Variants in PTPRE observed in about 807,000 individuals in gnomAD.
PTPRE encodes receptor-type tyrosine-protein phosphatase epsilon.
A neutral mutation model predicts 102.0 loss-of-function variants in PTPRE; 51 were observed. That is an observed-to-expected ratio of 0.50 (90% confidence interval 0.40 to 0.63). PTPRE has a LOEUF of 0.63. Among genes scored for constraint, PTPRE ranks in the 30% least tolerant of loss-of-function variants. The probability of loss-of-function intolerance (pLI) is 0.00; values close to 1 mark genes in which losing one functional copy is unlikely to be tolerated. For synonymous variants in PTPRE, 345 were observed against 348.2 expected (o/e 0.99, Z 0.10); for missense variants, 752 against 915.1 (o/e 0.82, Z 2.30).
At chr10:127,989,556 A>G (rs1852426003) in intron 2 of PTPRE, among the ~76,000 whole-genome samples, 1 of 152,238 alleles carries the variant, frequency 6.6e-6, no homozygotes, top group African/African-American at 2.4e-5. Context: ...AGGAAGTGCC[A>G]GTCCCCAGCG....
At chr10:127,972,930 G>T (rs1850869220) in intron 1 of PTPRE, among the ~76,000 whole-genome samples, 1 of 152,172 alleles carries the variant, frequency 6.6e-6, no homozygotes, top group African/African-American at 2.4e-5. Context: ...TGGTGCAGCG[G>T]CTCGAGCACA....
chr10:127,948,481 T>C (rs1056194320), intron 1 of PTPRE, among the ~76,000 whole-genome samples: 34 of 152,240 alleles, frequency 2.2e-4, no homozygotes, highest in African/African-American at 6.8e-4. Flanking sequence ...ATGGTTTTAC[T>C]GCCCTAAGCA....
At chr10:128,027,032 G>C (rs1025745627) in intron 2 of PTPRE, among the ~76,000 whole-genome samples, 2 of 152,218 alleles carry the variant, frequency 1.3e-5, no homozygotes, top group Non-Finnish European at 2.9e-5. Flanking sequence ...AACAGGTGCA[G>C]TATTAGATAC....
intron 1 of PTPRE, among the ~76,000 whole-genome samples, chr10:127,958,891 C>CTT (rs572936097): frequency 2.5e-4 from 30 of 120,850 alleles, no homozygotes; most frequent in African/African-American, 5.6e-4. Flanking sequence ...TTCAACTTGC[C>CTT]TTTTTTTTTT....
At chr10:128,032,128 G>T (rs977402723) in intron 2 of PTPRE, among the ~76,000 whole-genome samples, 2 of 152,080 alleles carry the variant, frequency 1.3e-5, no homozygotes, top group Non-Finnish European at 1.5e-5. Flanking sequence ...CAATTCTCCT[G>T]CCTCAGCCTC....
At chr10:127,995,523 G>T (rs1009815267) in intron 2 of PTPRE, among the ~76,000 whole-genome samples, 1 of 152,202 alleles carries the variant, frequency 6.6e-6, no homozygotes, top group African/African-American at 2.4e-5. Flanking sequence ...CTGGGGCTTA[G>T]CTGACTGTCC....
intron 9 of PTPRE, chr10:128,062,864 T>C: frequency 1.4e-6 from 1 of 708,210 alleles, no homozygotes; most frequent in Non-Finnish European, 2.2e-6. Context: ...GGCCCAATTA[T>C]CTTGCCCACT....
intron 1 of PTPRE, among the ~76,000 whole-genome samples, chr10:127,929,010 C>A (rs1847227188): frequency 6.6e-6 from 1 of 152,214 alleles, no homozygotes; most frequent in Admixed American, 6.5e-5. Context: ...GACAACACCT[C>A]ATTAATTGTA....
intron 15 of PTPRE, chr10:128,071,273 G>C (rs891264347): frequency 1.4e-5 from 4 of 289,142 alleles, no homozygotes; most frequent in Non-Finnish European, 2.7e-5. Context: ...GCAGAGGCCC[G>C]CCTCCCCCTT....
At chr10:128,029,724 A>G (rs1846567794) in intron 2 of PTPRE, among the ~76,000 whole-genome samples, 1 of 152,230 alleles carries the variant, frequency 6.6e-6, no homozygotes, top group African/African-American at 2.4e-5. Flanking sequence ...GGATGAAGAA[A>G]AGACGGCATG....
intron 2 of PTPRE, among the ~76,000 whole-genome samples, chr10:127,993,714 C>T (rs1227624633): frequency 6.6e-6 from 1 of 151,956 alleles, no homozygotes; most frequent in Non-Finnish European, 1.5e-5. Flanking sequence ...GTTCAAAAGG[C>T]AGGAAAAAAA....
intron 2 of PTPRE, among the ~76,000 whole-genome samples, chr10:127,993,768 G>GGTGTGTGTGT (rs142298818): frequency 0.013 from 1,970 of 150,648 alleles, 16 homozygotes; most frequent in Middle Eastern, 0.031. Flanking sequence ...CTTTCATAGT[G>GGTGTGTGTGT]GTGTGTGTGT....
intron 1 of PTPRE, chr10:127,964,910 G>T: frequency 4.5e-6 from 2 of 441,446 alleles, no homozygotes; most frequent in South Asian, 3.3e-5. Context: ...CTGCTGGAAG[G>T]TCAGGGAGTT....
rs377368317 is a variant in PTPRE, at chr10:128,008,571, T to C, written c.-8+26275T>C. Reference sequence around the variant, plus strand: ...GGTATTTCCTGGGAGACAGCCAGCCTGGGCTAGTGGAGCATCCCGCCTTTG... The same window carrying C: ...GGTATTTCCTGGGAGACAGCCAGCCCGGGCTAGTGGAGCATCCCGCCTTTG... On this transcript the variant is annotated intron_variant, in intron 2 of 20. Transcript: ENST00000254667. The surrounding 1 kb of genome is among the most constrained non-coding windows in gnomAD (Gnocchi z 4.0). 5.9e-5 allele frequency among the ~76,000 whole-genome samples: 9 copies of C among 152,178 alleles called. No individual in the cohort carries two copies. In the East Asian group the frequency reaches 1.5e-3, roughly 26 times the overall value.
intron 1 of PTPRE, among the ~76,000 whole-genome samples, chr10:127,917,074 C>T (rs1028560914): frequency 2.6e-5 from 4 of 151,840 alleles, no homozygotes; most frequent in Non-Finnish European, 5.9e-5. Flanking sequence ...GAAACCGACT[C>T]AGCAGGTTGG....
chr10:127,911,253 C>T (rs758140845), intron 1 of PTPRE, among the ~76,000 whole-genome samples: 12 of 152,138 alleles, frequency 7.9e-5, no homozygotes, highest in South Asian at 4.1e-4. Flanking sequence ...GTAAATTTTG[C>T]GTGATTAAGT....
intron 1 of PTPRE, among the ~76,000 whole-genome samples, chr10:127,937,396 A>G (rs1287447793): frequency 6.6e-6 from 1 of 152,168 alleles, no homozygotes; most frequent in Non-Finnish European, 1.5e-5. Context: ...TGGAATTGAC[A>G]ATATGAATCC....
At position 128,077,903 on chromosome 10, in the gene PTPRE, T is replaced by C. The variant is rs185799422; in HGVS notation, c.1892+120T>C. The C allele has an allele frequency of 2.0e-3, 2,337 of 1,156,946 alleles. 22 individuals are homozygous for C. The highest frequency in any genetic ancestry group is 1.3e-3 in the Non-Finnish European group (1,053 of 838,772). The allele number at this position is 1,156,946 out of a possible 1,614,324, so 71.7% of individuals were successfully genotyped here. A position where few individuals can be genotyped will look rare whatever the true frequency, so the allele number is the denominator to read the frequency against. On this transcript the variant is annotated intron_variant, in intron 19 of 20. Transcript: ENST00000254667. Reference sequence around the variant, plus strand: ...CCTGGCCATGGTATTCCCTAGAGTCTCCTCTCTACCTCTCCTTACACACAT... The same window carrying C: ...CCTGGCCATGGTATTCCCTAGAGTCCCCTCTCTACCTCTCCTTACACACAT...
chr10:127,940,942 G>A (rs1201557252), intron 1 of PTPRE, among the ~76,000 whole-genome samples: 1 of 152,226 alleles, frequency 6.6e-6, no homozygotes, highest in Non-Finnish European at 1.5e-5. Context: ...ACTCAGGCAG[G>A]TAGTGTCCAG....
Sources: gnomAD v4.1 joint callset for allele counts (sites outside exome capture counted in the v4.1 genomes callset) on GRCh38, gnomAD v4.1.1 for gene constraint, Gnocchi (gnomAD v3.1) non-coding constraint, MANE v1.5 for transcripts, NCBI Gene and HGNC (gene_info 2026-07-23, HGNC 2026-07-21) for gene names.